The following CEP83 variants were observed in gnomAD, a reference collection of about 807,000 sequenced individuals.
CEP83 encodes centrosomal protein of 83 kDa.
CEP83 carries 70 observed loss-of-function variants against 101.9 expected under a neutral mutation model. The observed-to-expected ratio is 0.69, with a 90% CI of 0.57 to 0.84. The LOEUF is 0.84. CEP83 is among the 40% of genes least tolerant of loss of function. The probability of loss-of-function intolerance (pLI) is 0.00; values close to 1 mark genes in which losing one functional copy is unlikely to be tolerated. For missense variants in CEP83, 715 were observed against 787.2 expected (o/e 0.91, Z 1.10); for synonymous variants, 264 against 267.9 (o/e 0.99, Z 0.14).
chr12:94,284,709 T>C, the CEP83 span, among the ~76,000 whole-genome samples: 864 of 152,082 alleles, frequency 5.7e-3, 8 homozygotes, highest in Non-Finnish European at 8.4e-3. Flanking sequence ...TAGTTGGCTG[T>C]AGGGTCTGTG....
the CEP83 span, among the ~76,000 whole-genome samples, chr12:94,283,487 C>T: frequency 6.6e-6 from 1 of 152,208 alleles, no homozygotes; most frequent in Admixed American, 6.5e-5. Flanking sequence ...TCACCTTCCC[C>T]ATTGCCTAGA....
chr12:94,416,885 T>G (rs1380508048), intron 2 of CEP83, among the ~76,000 whole-genome samples: 2 of 151,348 alleles, frequency 1.3e-5, no homozygotes, highest in Admixed American at 6.6e-5. Flanking sequence ...CCACCAACAG[T>G]AATGAGGCTA....
At chr12:94,424,310 C>G in intron 2 of CEP83, 1 of 1,614,130 alleles carries the variant, frequency 6.2e-7, no homozygotes, top group Non-Finnish European at 8.5e-7. Context: ...CTTTGGCCCG[C>G]CATCAGCAAA....
intron 14 of CEP83, among the ~76,000 whole-genome samples, chr12:94,329,671 A>G (rs1029978862): frequency 2.0e-5 from 3 of 152,194 alleles, no homozygotes; most frequent in African/African-American, 7.2e-5. Context: ...ACGGCTTCAG[A>G]TGTTTCTAGG....
chr12:94,442,578 C>T (rs866579722), intron 1 of CEP83, among the ~76,000 whole-genome samples: 2 of 152,122 alleles, frequency 1.3e-5, no homozygotes, highest in Non-Finnish European at 2.9e-5. Flanking sequence ...TCAGTCTTCA[C>T]TTCTGAAGAC....
chr12:94,276,446 G>C, the CEP83 span, among the ~76,000 whole-genome samples: 1 of 150,864 alleles, frequency 6.6e-6, no homozygotes, highest in Non-Finnish European at 1.5e-5. Flanking sequence ...GGAGGGTCAG[G>C]AGGGCTCCTG....
At chr12:94,379,968 T>C (rs1324394212) in intron 6 of CEP83, among the ~76,000 whole-genome samples, 2 of 151,944 alleles carry the variant, frequency 1.3e-5, no homozygotes, top group African/African-American at 2.4e-5. Flanking sequence ...GCTGGGTTTT[T>C]TGTTTGTTAA....
intron 6 of CEP83, among the ~76,000 whole-genome samples, chr12:94,391,498 C>A (rs1317592414): frequency 6.6e-6 from 1 of 152,162 alleles, no homozygotes; most frequent in Non-Finnish European, 1.5e-5. Context: ...TGGAAAGAAA[C>A]AACCGGTATC....
chr12:94,396,732 C>T (rs1161719478), intron 6 of CEP83, among the ~76,000 whole-genome samples: 3 of 152,222 alleles, frequency 2.0e-5, no homozygotes, highest in Middle Eastern at 3.4e-3. Flanking sequence ...AAGTATTCCC[C>T]TAAGAACCAA....
At position 94,308,932 on chromosome 12, in the gene CEP83, G is replaced by A. The variant is rs766268779; in HGVS notation, c.2002-15C>T. The A allele has an allele frequency of 3.2e-6, 5 of 1,561,392 alleles. No homozygotes were observed. Among genetic ancestry groups the A allele is most frequent in the Non-Finnish European group, 1.8e-6 (2 of 1,133,200 alleles). ...TGTTGTTCCTCCTTAAAATGATGTAGAGAAAGCATAGCAAAAGAAACTATT... is the reference window on the plus strand; with the variant it reads ...TGTTGTTCCTCCTTAAAATGATGTAAAGAAAGCATAGCAAAAGAAACTATT... On this transcript the variant is annotated splice_polypyrimidine_tract_variant and intron_variant, in intron 16 of 16. Transcript: ENST00000397809.
chr12:94,419,940 C>T (rs761594577), intron 2 of CEP83, among the ~76,000 whole-genome samples: 12 of 152,250 alleles, frequency 7.9e-5, no homozygotes, highest in East Asian at 1.9e-4. Flanking sequence ...AAAAATAGCA[C>T]GTCTAAAATC....
the CEP83 span, among the ~76,000 whole-genome samples, chr12:94,280,418 A>C: frequency 6.6e-6 from 1 of 152,212 alleles, no homozygotes; most frequent in Non-Finnish European, 1.5e-5. Flanking sequence ...ATAGGCCTTG[A>C]CTAAGCAGGC....
At position 94,459,826 on chromosome 12, in the gene CEP83, GA is replaced by G; in HGVS notation, c.-425del. On this transcript the variant is annotated 5_prime_UTR_variant, in exon 1 of 17. Coordinates refer to ENST00000397809, the MANE Select transcript of CEP83 (RefSeq NM_016122.3). ...GTCCGAGGGCGGCGGCGGCGGCGGT[GA>G]AAAGCCCCACTCCTCCGCGTGGACC... 6.5e-6 allele frequency: 1 copy of G among 154,092 alleles called. No individual in the cohort carries two copies. The highest frequency in any genetic ancestry group is 2.4e-5 in the African/African-American group (1 of 41,586). 9.5% of individuals were successfully genotyped at this position (154,092 alleles called of 1,614,324 possible).
chr12:94,377,594 G>A (rs938555844), intron 7 of CEP83, among the ~76,000 whole-genome samples: 1 of 152,178 alleles, frequency 6.6e-6, no homozygotes, highest in Admixed American at 6.5e-5. Flanking sequence ...AAAGAAGAAA[G>A]AAATGCTTGC....
the CEP83 span, among the ~76,000 whole-genome samples, chr12:94,268,588 CTT>C: frequency 2.2e-4 from 20 of 90,876 alleles, no homozygotes; most frequent in Admixed American, 4.1e-4. Flanking sequence ...AGAATAAGAC[CTT>C]TTTTTTTTTT....
intron 8 of CEP83, among the ~76,000 whole-genome samples, chr12:94,374,272 G>A (rs10777590): frequency 0.56 from 84,733 of 151,742 alleles, 23,664 homozygotes; most frequent in Admixed American, 0.58. Context: ...ATACTTGGTG[G>A]CCCCCCCAAG....
At chr12:94,416,551 T>TACACAC (rs1555256390) in intron 2 of CEP83, among the ~76,000 whole-genome samples, 3 of 145,520 alleles carry the variant, frequency 2.1e-5, no homozygotes, top group Non-Finnish European at 1.5e-5. Flanking sequence ...CCAAATACCA[T>TACACAC]ACACACACAC....
chr12:94,412,404 C>T lies in CEP83; in HGVS notation c.87G>A (p.Ser29=), dbSNP rs769834256. ...CATCAATTAACATTTTCTGGAACTCCGACTGAGAACCTGTCAATCCACTGT... is the reference window on the plus strand; with the variant it reads ...CATCAATTAACATTTTCTGGAACTCTGACTGAGAACCTGTCAATCCACTGT... ...GGDSGLTGSQ[S]EFQKMLIDER... The change falls in exon 3 of 17, where the codon TCG becomes TCA. Residue 29 remains serine (S), a synonymous_variant. Coordinates refer to ENST00000397809, the MANE Select transcript of CEP83 (RefSeq NM_016122.3). 30 of 1,612,468 alleles carry T rather than the reference C, an allele frequency of 1.9e-5. No individual in the cohort carries two copies. The Admixed American group carries it at 2.7e-4, about 14-fold the overall frequency.
intron 4 of CEP83, among the ~76,000 whole-genome samples, chr12:94,406,497 G>A (rs1178537662): frequency 6.6e-6 from 1 of 151,944 alleles, no homozygotes; most frequent in East Asian, 1.9e-4. Flanking sequence ...GTGTGGTGGG[G>A]GCAGGGGGGA....
Sources: gnomAD v4.1 joint callset for allele counts (sites outside exome capture counted in the v4.1 genomes callset) on GRCh38, gnomAD v4.1.1 for gene constraint, MANE v1.5 for transcripts, NCBI Gene and HGNC (gene_info 2026-07-23, HGNC 2026-07-21) for gene names.